GPCPD1: variants seen among roughly 807,000 people sequenced by gnomAD.
GPCPD1 encodes glycerophosphocholine phosphodiesterase GPCPD1.
GPCPD1 carries 29 observed loss-of-function variants against 89.2 expected under a neutral mutation model. The ratio of observed to expected loss-of-function variants is 0.33; its 90% CI spans 0.24 to 0.44. The LOEUF is 0.44. Ranked by LOEUF, GPCPD1 falls within the 20% of genes least tolerant of loss-of-function variation. The pLI, the probability that GPCPD1 is intolerant of heterozygous loss-of-function variation, is 1.00. For synonymous variants in GPCPD1, 258 were observed against 266.3 expected (o/e 0.97, Z 0.30); for missense variants, 594 against 808.9 (o/e 0.73, Z 3.22).
At chr20:5,597,390 A>AT (rs1308860734) in intron 3 of GPCPD1, among the ~76,000 whole-genome samples, 89 of 152,180 alleles carry the variant, frequency 5.8e-4, no homozygotes, top group African/African-American at 1.8e-3. Flanking sequence ...CTGGTGACCA[A>AT]TATTCTGATC....
rs1984954225 is a variant in GPCPD1, at chr20:5,544,675, A to G, written c.*2986T>C. ...TCACAAAACCCACATCCTAGTCCCA[A>G]CCCAGTATATCAGTTAACCTCTCTG... On this transcript the variant is annotated 3_prime_UTR_variant, in exon 20 of 20. Transcript: ENST00000379019. 6.6e-6 allele frequency: 1 copy of G among 152,170 alleles called. No individual in the cohort carries two copies. Among genetic ancestry groups the G allele is most frequent in the Non-Finnish European group, 1.5e-5 (1 of 68,030 alleles). The allele number at this position is 152,170 out of a possible 1,614,324, so 9.4% of individuals were successfully genotyped here.
intron 17 of GPCPD1, 86 bp from the exon 18 acceptor site, chr20:5,558,905 T>A (rs990817130): frequency 9.5e-7 from 1 of 1,051,932 alleles, no homozygotes; most frequent in Non-Finnish European, 1.4e-6. Flanking sequence ...ACTGAAAGTA[T>A]AAAGAAAACA....
At chr20:5,580,569 C>A (rs1442116730) in intron 6 of GPCPD1, among the ~76,000 whole-genome samples, 4 of 150,660 alleles carry the variant, frequency 2.7e-5, no homozygotes, top group African/African-American at 9.8e-5. Context: ...ACTACAAATA[C>A]AAAAAAAATA....
chr20:5,577,065 G>GTTT (rs35980274), intron 8 of GPCPD1, among the ~76,000 whole-genome samples: 1 of 113,870 alleles, frequency 8.8e-6, no homozygotes, highest in African/African-American at 3.5e-5. Context: ...TTTTTTTTTT[G>GTTT]TTTTTTTTTT....
At chr20:5,603,886 A>G (rs570889911) in intron 2 of GPCPD1, among the ~76,000 whole-genome samples, 2 of 152,018 alleles carry the variant, frequency 1.3e-5, no homozygotes, top group East Asian at 3.9e-4. Flanking sequence ...AGCTGGGATT[A>G]CAGGCACATG....
At chr20:5,603,135 A>C (rs1600808084) in intron 2 of GPCPD1, among the ~76,000 whole-genome samples, 2 of 151,930 alleles carry the variant, frequency 1.3e-5, no homozygotes, top group Admixed American at 6.6e-5. Flanking sequence ...TCTACTAAAA[A>C]TACAAAAATT....
At chr20:5,580,456 T>C (rs886451493) in intron 6 of GPCPD1, among the ~76,000 whole-genome samples, 7 of 152,144 alleles carry the variant, frequency 4.6e-5, no homozygotes, top group Admixed American at 3.3e-4. Flanking sequence ...GCGGGCATGG[T>C]GGCTCACGCC....
At chr20:5,560,177 C>T in intron 16 of GPCPD1, 101 bp from the exon 17 acceptor site, 1 of 693,492 alleles carries the variant, frequency 1.4e-6, no homozygotes, top group Non-Finnish European at 2.3e-6. Flanking sequence ...AAACCCCTGA[C>T]AGTATCTAGT....
intron 1 of GPCPD1, among the ~76,000 whole-genome samples, chr20:5,609,487 A>G (rs1286714566): frequency 1.3e-5 from 2 of 152,260 alleles, no homozygotes; most frequent in African/African-American, 4.8e-5. Flanking sequence ...TCAACTTTCT[A>G]AACAATGCAG....
intron 10 of GPCPD1, 195 bp from the exon 11 acceptor site, chr20:5,574,164 G>A: frequency 1.7e-6 from 1 of 574,908 alleles, no homozygotes; most frequent in Non-Finnish European, 3.1e-6. Flanking sequence ...GACAATGATA[G>A]ATATTTACAA....
At position 5,604,049 on chromosome 20, in the gene GPCPD1, C is replaced by A. The variant is rs568957860; in HGVS notation, c.49+315G>T. On this transcript the variant is annotated intron_variant, in intron 2 of 19. Transcript: ENST00000379019. Reference sequence around the variant, plus strand: ...GGCATAAGCCACTGCGCCCGGCCTACCAACTTCTTGCACTAGCAAAGTTTC... The same window carrying A: ...GGCATAAGCCACTGCGCCCGGCCTAACAACTTCTTGCACTAGCAAAGTTTC... Among the ~76,000 whole-genome samples the A allele has an allele frequency of 1.0e-3, 157 of 152,272 alleles. 1 individual carries two copies. The highest frequency in any genetic ancestry group is 3.6e-3 in the African/African-American group (149 of 41,556).
chr20:5,573,457 C>T (rs1182726711), intron 11 of GPCPD1, among the ~76,000 whole-genome samples: 2 of 152,178 alleles, frequency 1.3e-5, no homozygotes, highest in Non-Finnish European at 2.9e-5. Flanking sequence ...CATTGGTTTT[C>T]ACTACCTGAA....
Position 5,569,277 on chromosome 20 carries a change from C to T in GPCPD1, c.1149+870G>A, listed in dbSNP as rs529545513. ...GTCTTTGTCACACTCTTTAATACAA[C>T]AGACAGTATCTGGTACAGTGATGCT... On this transcript the variant is annotated intron_variant, in intron 12 of 19. Transcript: ENST00000379019. Among the ~76,000 whole-genome samples, 3 of 152,196 alleles carry T rather than the reference C, an allele frequency of 2.0e-5. No individual in the cohort carries two copies. In the South Asian group the frequency reaches 6.2e-4, roughly 32 times the overall value.
At chr20:5,597,855 C>T (rs1304311213) in intron 3 of GPCPD1, among the ~76,000 whole-genome samples, 1 of 152,156 alleles carries the variant, frequency 6.6e-6, no homozygotes, top group Non-Finnish European at 1.5e-5. Flanking sequence ...CTGATGGATT[C>T]AATGCCACTA....
intron 13 of GPCPD1, 63 bp downstream of exon 13, chr20:5,567,420 T>C (rs1041776083): frequency 1.0e-4 from 152 of 1,505,752 alleles, no homozygotes; most frequent in Non-Finnish European, 1.3e-4. Context: ...CATAACCATA[T>C]ACAAGCAAGT....
intron 19 of GPCPD1, among the ~76,000 whole-genome samples, chr20:5,550,191 C>CAA (rs371826184): frequency 7.8e-5 from 8 of 102,766 alleles, no homozygotes; most frequent in African/African-American, 1.8e-4. Context: ...GAGACTATCT[C>CAA]AAAAAAAAAA....
chr20:5,592,233 T>C (rs1033415712), intron 4 of GPCPD1, among the ~76,000 whole-genome samples: 1 of 152,064 alleles, frequency 6.6e-6, no homozygotes, highest in Non-Finnish European at 1.5e-5. Flanking sequence ...ATCTATGACC[T>C]ATGTATCTAC....
At chr20:5,597,817 T>C (rs1487489663) in intron 3 of GPCPD1, among the ~76,000 whole-genome samples, 3 of 152,170 alleles carry the variant, frequency 2.0e-5, no homozygotes, top group Admixed American at 1.3e-4. Context: ...TTTACCTTTC[T>C]CCATCCACTG....
At chr20:5,565,701 G>A (rs1394194171) in intron 14 of GPCPD1, among the ~76,000 whole-genome samples, 1 of 137,618 alleles carries the variant, frequency 7.3e-6, no homozygotes, top group Admixed American at 7.8e-5. Context: ...TTAAAAAGTA[G>A]TCACAAGCTG....
Sources: allele counts gnomAD v4.1 joint callset (sites outside exome capture counted in the v4.1 genomes callset), GRCh38; gene constraint gnomAD v4.1.1; transcripts MANE v1.5; gene names NCBI Gene and HGNC (gene_info 2026-07-23, HGNC 2026-07-21).